FREM2: variants seen among roughly 807,000 people sequenced by gnomAD.
The protein encoded by FREM2 is FRAS1-related extracellular matrix protein 2.
FREM2 carries 119 observed loss-of-function variants against 219.9 expected under a neutral mutation model. The observed-to-expected ratio is 0.54, with a 90% CI of 0.47 to 0.63. FREM2 has a LOEUF of 0.63. FREM2 is among the 30% of genes least tolerant of loss of function. FREM2 has a pLI of 0.00. For missense variants in FREM2, 4,030 were observed against 3,993.6 expected (o/e 1.01, Z -0.25); for synonymous variants, 1,562 against 1,522.8 (o/e 1.03, Z -0.60).
rs145899577 is a variant in FREM2 at position 38,758,529 on chromosome 13, T to C, written c.5264-5775T>C. 4.4e-3 allele frequency among the ~76,000 whole-genome samples: 670 copies of C among 152,264 alleles called. 8 individuals are homozygous for C. The highest frequency in any genetic ancestry group is 0.015 in the African/African-American group (625 of 41,562). On this transcript the variant is annotated intron_variant, in intron 2 of 23. Transcript: ENST00000280481. Reference sequence around the variant, plus strand: ...ACATTATCTAGGTGCCTGTGCCATCTCCCGCAGTTGAATGCCAGCCCCTGG... The same window carrying C: ...ACATTATCTAGGTGCCTGTGCCATCCCCCGCAGTTGAATGCCAGCCCCTGG...
At chr13:38,735,140 T>C (rs925804986) in intron 2 of FREM2, among the ~76,000 whole-genome samples, 2 of 152,202 alleles carry the variant, frequency 1.3e-5, no homozygotes, top group Non-Finnish European at 2.9e-5. Context: ...TGGGGTGATA[T>C]GTCATTTTTG....
In FREM2 at chr13:38,784,591, G is replaced by T; in HGVS notation, c.5802G>T (p.Leu1934Phe). Reference protein sequence around the residue: ...TATGTVPTSVLSYSDYISRPE... With the variant: ...TATGTVPTSVFSYSDYISRPE... ...CTGGAACTGTGCCGACTTCCGTGTTGTCTTACTCTGATTACATATCCAGGC... is the reference window on the plus strand; with the variant it reads ...CTGGAACTGTGCCGACTTCCGTGTTTTCTTACTCTGATTACATATCCAGGC... Residue 1934 changes from leucine (L) to phenylalanine (F), a missense_variant, in exon 6 of 24, where the codon TTG (leucine) becomes TTT (phenylalanine). Coordinates refer to ENST00000280481, the MANE Select transcript of FREM2 (RefSeq NM_207361.6). 2 of 1,614,180 alleles carry T rather than the reference G, an allele frequency of 1.2e-6. No homozygotes were observed. Among genetic ancestry groups the T allele is most frequent in the Non-Finnish European group, 1.7e-6 (2 of 1,180,022 alleles).
intron 2 of FREM2, among the ~76,000 whole-genome samples, chr13:38,727,480 A>AAAAAC (rs1281999599): frequency 2.6e-5 from 4 of 152,226 alleles, no homozygotes; most frequent in Non-Finnish European, 4.4e-5. Flanking sequence ...CTCCATCTCA[A>AAAAAC]AAAACAAAAC....
At chr13:38,866,139 T>C (rs1877952439) in intron 16 of FREM2, among the ~76,000 whole-genome samples, 2 of 152,190 alleles carry the variant, frequency 1.3e-5, no homozygotes, top group African/African-American at 2.4e-5. Context: ...ACAGCATCTA[T>C]TGGTATAAAC....
chr13:38,735,098 C>T (rs1280973997), intron 2 of FREM2, among the ~76,000 whole-genome samples: 1 of 152,140 alleles, frequency 6.6e-6, no homozygotes, highest in Non-Finnish European at 1.5e-5. Context: ...TAGAGGACAG[C>T]TGGATTCTGA....
rs766335502 is a variant in FREM2, at chr13:38,858,038, G to C, written c.7215+5G>C. ...TATCCTGTCATCTGTATCACAGTGA[G>C]TAGGAGATTCACAAAATTGAGGAAA... is the stretch of plus-strand genomic sequence containing the variant. On this transcript the variant is annotated splice_donor_5th_base_variant and intron_variant, in intron 13 of 23. Transcript: ENST00000280481. 2 of 1,611,888 alleles carry C rather than the reference G, an allele frequency of 1.2e-6. No individual in the cohort carries two copies. The highest frequency in any genetic ancestry group is 3.3e-5 in the Admixed American group (2 of 60,018).
In FREM2 at chr13:38,691,494, C is replaced by T. The variant is rs192340937; in HGVS notation, c.4150C>T (p.His1384Tyr). 87 of 1,614,078 alleles carry T rather than the reference C, an allele frequency of 5.4e-5. No individual in the cohort carries two copies. In the Admixed American group the frequency reaches 1.4e-3, roughly 26 times the overall value. Residue 1384 changes from histidine to tyrosine, a missense_variant, in exon 1 of 24, where the codon CAT (histidine) becomes TAT (tyrosine). Physicochemically the swap from His to Tyr is moderately conservative, Grantham distance 83 (BLOSUM62 2). This residue lies in a region of FREM2 where 3,102 missense variants were observed against 2,950.7 expected (regional missense o/e 1.05). Transcript: ENST00000280481. The stretch of plus-strand genomic sequence containing the variant: ...AGACAGAAACTTAATTCAGTATGTC[C>T]ATTTGGGGCAAGAGGGCATTCGGGA... ...EVDRNLIQYV[H>Y]LGQEGIRDLI... is the part of the protein sequence containing the mutation.
rs1327741492 is a variant in FREM2, at chr13:38,691,886, A to G, written c.4542A>G (p.Gly1514=). The G allele has an allele frequency of 5.0e-6, 8 of 1,614,056 alleles. No individual in the cohort carries two copies. The highest frequency in any genetic ancestry group is 6.8e-6 in the Non-Finnish European group (8 of 1,180,048). The change falls in exon 1 of 24, where the codon GGA becomes GGG. Residue 1514 remains glycine, a synonymous_variant. Transcript: ENST00000280481. ...MDSFEFQVTD[G]RNPVFRTFRI... ...GTTTTGAGTTTCAAGTCACCGATGGACGTAACCCTGTCTTTCGGACATTCC... is the reference window on the plus strand; with the variant it reads ...GTTTTGAGTTTCAAGTCACCGATGGGCGTAACCCTGTCTTTCGGACATTCC...
chr13:38,735,414 T>G (rs1871951009), intron 2 of FREM2, among the ~76,000 whole-genome samples: 1 of 152,208 alleles, frequency 6.6e-6, no homozygotes, highest in African/African-American at 2.4e-5. Context: ...TGAAGTTCAT[T>G]AAAGAAAGGA....
At chr13:38,698,516 T>C (rs1438639245) in intron 2 of FREM2, among the ~76,000 whole-genome samples, 1 of 152,182 alleles carries the variant, frequency 6.6e-6, no homozygotes, top group Admixed American at 6.5e-5. Flanking sequence ...GGAGAAAAAC[T>C]GGTCACTTTC....
At chr13:38,725,271 T>C (rs1300340834) in intron 2 of FREM2, among the ~76,000 whole-genome samples, 1 of 152,198 alleles carries the variant, frequency 6.6e-6, no homozygotes, top group Non-Finnish European at 1.5e-5. Context: ...AAAAGTGGCC[T>C]CTCTGCCTTC....
At chr13:38,702,474 G>C (rs994678038) in intron 2 of FREM2, among the ~76,000 whole-genome samples, 1 of 152,172 alleles carries the variant, frequency 6.6e-6, no homozygotes, top group Admixed American at 6.5e-5. Context: ...AGGTGGAGAA[G>C]TAGAAGACAA....
At chr13:38,850,583 G>A (rs745555564) in intron 9 of FREM2, among the ~76,000 whole-genome samples, 8 of 152,194 alleles carry the variant, frequency 5.3e-5, no homozygotes, top group Non-Finnish European at 1.0e-4. Flanking sequence ...TAGTGTTGAG[G>A]TCAGATTAAC....
chr13:38,777,420 C>T (rs371125698), intron 4 of FREM2, among the ~76,000 whole-genome samples: 2 of 152,116 alleles, frequency 1.3e-5, no homozygotes, highest in Non-Finnish European at 2.9e-5. Flanking sequence ...CGAGCCTGGG[C>T]GGGCTCTGAC....
chr13:38,713,223 C>G (rs1870852482), intron 2 of FREM2, among the ~76,000 whole-genome samples: 1 of 152,138 alleles, frequency 6.6e-6, no homozygotes, highest in South Asian at 2.1e-4. Context: ...TGAATGAGAA[C>G]TCTGGATTTA....
Position 38,687,705 on chromosome 13 carries a change from C to T in FREM2, c.361C>T (p.Arg121Cys). ...DNDALAQRPG[R>C]LSPKRFPCDF... ...CGACGCACTGGCCCAGCGACCGGGC[C>T]GCCTGAGTCCCAAGCGCTTCCCGTG... is the stretch of plus-strand genomic sequence containing the variant. Residue 121 changes from arginine (R) to cysteine (C), a missense_variant, in exon 1 of 24, where the codon CGC becomes TGC. Coordinates refer to ENST00000280481, the MANE Select transcript of FREM2 (RefSeq NM_207361.6). 1 of 1,566,384 alleles carries T rather than the reference C, an allele frequency of 6.4e-7. No homozygotes were observed. The highest frequency in any genetic ancestry group is 8.7e-7 in the Non-Finnish European group (1 of 1,153,876).
In FREM2 at chr13:38,692,245, C is replaced by G; in HGVS notation, c.4901C>G (p.Thr1634Arg). 2 of 1,614,082 alleles carry G rather than the reference C, an allele frequency of 1.2e-6. No homozygotes were observed. Among genetic ancestry groups the G allele is most frequent in the Admixed American group, 1.7e-5 (1 of 60,008 alleles). ...THTDFYVFPD[T>R]VFETRRPQVM... Reference sequence around the variant, plus strand: ...ACAGACTTCTATGTTTTTCCTGATACGGTGTTTGAAACAAGGAGACCCCAA... The same window carrying G: ...ACAGACTTCTATGTTTTTCCTGATAGGGTGTTTGAAACAAGGAGACCCCAA... Residue 1634 changes from threonine (T) to arginine (R), a missense_variant, in exon 1 of 24, where the codon ACG (threonine) becomes AGG (arginine). Around this residue, in one of 2 missense-constraint regions of FREM2, gnomAD observed 3,102 missense variants for 2,950.7 expected, o/e 1.05. Coordinates refer to ENST00000280481, the MANE Select transcript of FREM2 (RefSeq NM_207361.6).
intron 18 of FREM2, among the ~76,000 whole-genome samples, chr13:38,875,109 A>G (rs1449553852): frequency 6.6e-6 from 1 of 152,096 alleles, no homozygotes; most frequent in Non-Finnish European, 1.5e-5. Context: ...TTGAATATCA[A>G]CAAGGCAGCA....
chr13:38,687,184 G>C lies in FREM2; in HGVS notation c.-161G>C. On this transcript the variant is annotated 5_prime_UTR_variant, in exon 1 of 24. Coordinates refer to ENST00000280481, the MANE Select transcript of FREM2 (RefSeq NM_207361.6). ...CTGCGGCTCCAGCCCGGACGGCGCC[G>C]CGCAACTTTGCCATCCTTCTGGCCC... 1 of 1,020,620 alleles carries C rather than the reference G, an allele frequency of 9.8e-7. No homozygotes were observed. Among genetic ancestry groups the C allele is most frequent in the Non-Finnish European group, 1.4e-6 (1 of 696,666 alleles). The allele number at this position is 1,020,620 out of a possible 1,614,324, so 63.2% of individuals were successfully genotyped here. A position where few individuals can be genotyped will look rare whatever the true frequency, so the allele number is the denominator to read the frequency against.
Sources: gnomAD v4.1 joint callset for allele counts (sites outside exome capture counted in the v4.1 genomes callset) on GRCh38, gnomAD v4.1.1 for gene constraint, gnomAD v4.1.1 regional missense constraint, MANE v1.5 for transcripts, NCBI Gene and HGNC (gene_info 2026-07-23, HGNC 2026-07-21) for gene names.